RYR3: variants seen among roughly 807,000 people sequenced by gnomAD.
RYR3 encodes the protein brain ryanodine receptor-calcium release channel.
Under a neutral mutation model 584.3 loss-of-function variants are expected in RYR3, and 207 were observed. The observed-to-expected ratio is 0.35, with a 90% CI of 0.32 to 0.40. The LOEUF (loss-of-function observed/expected upper bound fraction) is 0.40, where lower values mean the gene tolerates loss of function less well. RYR3 is among the 10% of genes least tolerant of loss of function. The pLI, the probability that RYR3 is intolerant of heterozygous loss-of-function variation, is 1.00. For synonymous variants in RYR3, 2,416 were observed against 2,248.5 expected (o/e 1.07, Z -2.11); for missense variants, 5,616 against 6,089.2 (o/e 0.92, Z 2.59).
intron 68 of RYR3, among the ~76,000 whole-genome samples, chr15:33,801,518 T>G (rs1283635686): frequency 6.6e-6 from 1 of 152,206 alleles, no homozygotes; most frequent in African/African-American, 2.4e-5. Flanking sequence ...AAATACATTT[T>G]GGGGTCAAAT....
intron 1 of RYR3, among the ~76,000 whole-genome samples, chr15:33,471,498 C>T (rs1000192167): frequency 6.6e-6 from 1 of 151,000 alleles, no homozygotes; most frequent in Non-Finnish European, 1.5e-5. Context: ...GTGGTTTGGG[C>T]GCCTGGGGGA....
chr15:33,532,929 A>G (rs888204982), intron 4 of RYR3, among the ~76,000 whole-genome samples: 3 of 152,076 alleles, frequency 2.0e-5, no homozygotes, highest in Non-Finnish European at 4.4e-5. Flanking sequence ...CCAGCCTGGG[A>G]AACATAGATA....
rs1446038573 is a variant in RYR3 at position 33,662,528 on chromosome 15, G to A, written c.4998G>A (p.Arg1666=). 2 of 1,613,874 alleles carry A rather than the reference G, an allele frequency of 1.2e-6. No homozygotes were observed. The highest frequency in any genetic ancestry group is 1.7e-6 in the Non-Finnish European group (2 of 1,179,906). The change falls in exon 35 of 104, where the codon AGG becomes AGA. Residue 1666 remains arginine (R), a synonymous_variant. Coordinates refer to ENST00000634891, the MANE Select transcript of RYR3 (RefSeq NM_001036.6). ...GAACATGTCTCAAGCCCGGGTTCAG[G>A]TTCTCCACCCCTTGCTTTGTTGTGA... The part of the protein sequence containing the change: ...GLRTCLKPGF[R]FSTPCFVVTG...
chr15:33,694,447 T>G (rs1268469273), intron 38 of RYR3, among the ~76,000 whole-genome samples: 1 of 152,088 alleles, frequency 6.6e-6, no homozygotes, highest in African/African-American at 2.4e-5. Flanking sequence ...GGTTTCACCG[T>G]GTTAGCCAGG....
Position 33,838,769 on chromosome 15 carries a change from A to G in RYR3, c.12789A>G (p.Glu4263=), listed in dbSNP as rs1253671107. 1 of 1,613,880 alleles carries G rather than the reference A, an allele frequency of 6.2e-7. No individual in the cohort carries two copies. The highest frequency in any genetic ancestry group is 1.1e-5 in the South Asian group (1 of 91,062). Residue 4263 remains glutamate (E), a synonymous_variant, in exon 89 of 104, where the codon GAA becomes GAG. Coordinates refer to ENST00000634891, the MANE Select transcript of RYR3 (RefSeq NM_001036.6). ...AEVMEPGITT[E]LVHFIKGEKG... is the part of the protein sequence containing the mutation. ...TGATGGAGCCAGGTATCACCACTGA[A>G]CTAGTACACTTCATAAAGGGGGAGA...
intron 48 of RYR3, among the ~76,000 whole-genome samples, chr15:33,734,623 T>C (rs1485516201): frequency 6.6e-6 from 1 of 151,914 alleles, no homozygotes; most frequent in Non-Finnish European, 1.5e-5. Context: ...GTCGCATTGG[T>C]GAGACTGATT....
At chr15:33,562,806 CTA>C in intron 10 of RYR3, 29 bp from the exon 11 acceptor site, 1 of 1,548,670 alleles carries the variant, frequency 6.5e-7, no homozygotes, top group Non-Finnish European at 8.9e-7. Flanking sequence ...TCAGCTATGC[CTA>C]TGTTTGTTTC....
At position 33,772,175 on chromosome 15, in the gene RYR3, T is replaced by C. The variant is rs2073624459; in HGVS notation, c.9055+17T>C. On this transcript the variant is annotated intron_variant, in intron 63 of 103. Coordinates refer to ENST00000634891, the MANE Select transcript of RYR3 (RefSeq NM_001036.6). ...ATCTACTCTGTGAGTTCTACTGGTATTTGTCGTGGATGTATGTGCACATGG... is the reference window on the plus strand; with the variant it reads ...ATCTACTCTGTGAGTTCTACTGGTACTTGTCGTGGATGTATGTGCACATGG... The C allele has an allele frequency of 2.6e-6, 4 of 1,549,742 alleles. No individual in the cohort carries two copies. The highest frequency in any genetic ancestry group is 3.6e-6 in the Non-Finnish European group (4 of 1,124,354).
intron 1 of RYR3, among the ~76,000 whole-genome samples, chr15:33,364,042 C>T (rs1975133247): frequency 6.6e-6 from 1 of 152,088 alleles, no homozygotes; most frequent in East Asian, 1.9e-4. Context: ...TTGAGGTGTG[C>T]AGTGAGTGTG....
chr15:33,335,481 G>T (rs750203437), intron 1 of RYR3, among the ~76,000 whole-genome samples: 3 of 152,104 alleles, frequency 2.0e-5, no homozygotes, highest in Admixed American at 6.6e-5. Flanking sequence ...TATATGATGA[G>T]AACACATGGA....
intron 38 of RYR3, among the ~76,000 whole-genome samples, chr15:33,695,877 C>T (rs2065815509): frequency 6.6e-6 from 1 of 151,028 alleles, no homozygotes; most frequent in Admixed American, 6.6e-5. Context: ...CCTCAACCTC[C>T]AAGGCTCAAG....
At chr15:33,527,259 G>A (rs975976725) in intron 3 of RYR3, among the ~76,000 whole-genome samples, 8 of 151,712 alleles carry the variant, frequency 5.3e-5, no homozygotes, top group African/African-American at 1.2e-4. Flanking sequence ...TTTTTAAAGG[G>A]CAAATTCTTT....
At chr15:33,417,655 T>C (rs2596217) in intron 1 of RYR3, among the ~76,000 whole-genome samples, 106,642 of 152,018 alleles carry the variant, frequency 0.7, 38,384 homozygotes, top group African/African-American at 0.87. Flanking sequence ...TTCCTCTTTT[T>C]CTATTCGTAT....
At chr15:33,641,884 C>T (rs1244649259) in intron 27 of RYR3, among the ~76,000 whole-genome samples, 1 of 152,196 alleles carries the variant, frequency 6.6e-6, no homozygotes, top group Non-Finnish European at 1.5e-5. Context: ...AGTCCTCTGG[C>T]CCTGGTCATA....
intron 27 of RYR3, among the ~76,000 whole-genome samples, chr15:33,641,975 G>A (rs1341119297): frequency 2.0e-5 from 3 of 149,862 alleles, no homozygotes; most frequent in East Asian, 1.9e-4. Flanking sequence ...CCTATGACTC[G>A]AGGATAAAGG....
chr15:33,344,546 A>G (rs1349780910), intron 1 of RYR3, among the ~76,000 whole-genome samples: 2 of 152,134 alleles, frequency 1.3e-5, no homozygotes, highest in Non-Finnish European at 2.9e-5. Flanking sequence ...TCATATAGAA[A>G]AAATGTGTTA....
chr15:33,584,289 G>C (rs2058734613), intron 14 of RYR3, 106 bp from the exon 15 acceptor site: 2 of 615,532 alleles, frequency 3.2e-6, no homozygotes, highest in African/African-American at 1.9e-5. Flanking sequence ...TTGGCATTCA[G>C]TTCCTTTTAG....
chr15:33,533,480 G>A lies in RYR3; in HGVS notation c.433+91G>A. On this transcript the variant is annotated intron_variant, in intron 5 of 103. Coordinates refer to ENST00000634891, the MANE Select transcript of RYR3 (RefSeq NM_001036.6). ...GACCCTGAATGCGTTACTCATTTGGGATTCCAAACCAACCTGGTTAAGAAA... is the reference window on the plus strand; with the variant it reads ...GACCCTGAATGCGTTACTCATTTGGAATTCCAAACCAACCTGGTTAAGAAA... The A allele has an allele frequency of 6.1e-6, 5 of 813,086 alleles. No individual in the cohort carries two copies. In the Middle Eastern group the frequency reaches 9.3e-4, roughly 151 times the overall value. The allele number at this position is 813,086 out of a possible 1,614,324, so 50.4% of individuals were successfully genotyped here. A position where few individuals can be genotyped will look rare whatever the true frequency, so the allele number is the denominator to read the frequency against.
At chr15:33,543,525 T>A in intron 7 of RYR3, 97 bp from the exon 8 acceptor site, 2 of 798,974 alleles carry the variant, frequency 2.5e-6, no homozygotes, top group Non-Finnish European at 4.5e-6. Flanking sequence ...GTATTTACCG[T>A]AACTGGCTCA....
Sources: allele counts gnomAD v4.1 joint callset (sites outside exome capture counted in the v4.1 genomes callset), GRCh38; gene constraint gnomAD v4.1.1; transcripts MANE v1.5; gene names NCBI Gene and HGNC (gene_info 2026-07-23, HGNC 2026-07-21).